Variants in AUTS2 observed in about 807,000 individuals in gnomAD.
AUTS2 encodes autism susceptibility gene 2 protein.
A neutral mutation model predicts 112.4 loss-of-function variants in AUTS2; 17 were observed. The observed-to-expected ratio is 0.15, with a 90% CI of 0.10 to 0.23. AUTS2 has a LOEUF of 0.23. Among genes scored for constraint, AUTS2 ranks in the 10% least tolerant of loss-of-function variants. The pLI, the probability that AUTS2 is intolerant of heterozygous loss-of-function variation, is 1.00. For missense variants in AUTS2, 1,510 were observed against 1,701.6 expected (o/e 0.89, Z 1.98); for synonymous variants, 751 against 702.7 (o/e 1.07, Z -1.09).
chr7:70,776,794 A>C, intron 13 of AUTS2: 1 of 412,356 alleles, frequency 2.4e-6, no homozygotes, highest in African/African-American at 2.0e-5. Flanking sequence ...CTGGCAGCAG[A>C]AAAGAAAGAG....
chr7:69,704,915 A>G (rs1584103605), intron 1 of AUTS2, among the ~76,000 whole-genome samples: 1 of 152,112 alleles, frequency 6.6e-6, no homozygotes, highest in African/African-American at 2.4e-5. Context: ...CACCCAGGCT[A>G]GAGTGCAGTG....
chr7:70,225,883 G>A (rs372209254), intron 4 of AUTS2, among the ~76,000 whole-genome samples: 39 of 152,044 alleles, frequency 2.6e-4, no homozygotes, highest in Non-Finnish European at 4.7e-4. Context: ...TAGATTTTGC[G>A]GTTGTATTGC....
At chr7:70,628,343 ATATATATATATG>A (rs1805068545) in intron 5 of AUTS2, among the ~76,000 whole-genome samples, 1 of 6,074 alleles carries the variant, frequency 1.6e-4, no homozygotes, top group Non-Finnish European at 3.2e-4. Context: ...TATATATAGT[ATATATATATATG>A]TATATATATA....
intron 4 of AUTS2, among the ~76,000 whole-genome samples, chr7:70,205,250 A>G (rs1459531519): frequency 2.0e-5 from 3 of 152,114 alleles, no homozygotes; most frequent in East Asian, 3.9e-4. Context: ...ATCTCACTGT[A>G]TTGCCCAGGC....
At chr7:70,730,022 A>G (rs1365993227) in intron 6 of AUTS2, among the ~76,000 whole-genome samples, 1 of 152,164 alleles carries the variant, frequency 6.6e-6, no homozygotes, top group Non-Finnish European at 1.5e-5. Flanking sequence ...AGCTGGGATT[A>G]CAGGCACACG....
chr7:70,602,930 A>G (rs113920395), intron 5 of AUTS2, among the ~76,000 whole-genome samples: 5 of 152,336 alleles, frequency 3.3e-5, no homozygotes, highest in African/African-American at 1.2e-4. Flanking sequence ...TTTTAAATTC[A>G]CAAGTGGTAT....
chr7:69,920,222 C>A (rs1411425304), intron 2 of AUTS2, among the ~76,000 whole-genome samples: 1 of 151,944 alleles, frequency 6.6e-6, no homozygotes, highest in Non-Finnish European at 1.5e-5. Context: ...TAATGACTAA[C>A]CCATGTTCCT....
At chr7:70,590,489 G>C in intron 5 of AUTS2, among the ~76,000 whole-genome samples, 1 of 152,144 alleles carries the variant, frequency 6.6e-6, no homozygotes, top group Non-Finnish European at 1.5e-5. Context: ...ATAGGGTAGT[G>C]GTTGAAGCAG....
chr7:69,868,678 C>G (rs1793346750), intron 1 of AUTS2, among the ~76,000 whole-genome samples: 1 of 152,168 alleles, frequency 6.6e-6, no homozygotes, highest in African/African-American at 2.4e-5. Flanking sequence ...TCCTGACAGT[C>G]TATGAGAGAA....
chr7:70,628,880 G>A (rs765834874), intron 5 of AUTS2, among the ~76,000 whole-genome samples: 4 of 152,164 alleles, frequency 2.6e-5, no homozygotes, highest in South Asian at 2.1e-4. Context: ...GATAGATGGC[G>A]GTGTCTTCCC....
chr7:70,581,132 C>T (rs1397807423), intron 5 of AUTS2, among the ~76,000 whole-genome samples: 1 of 152,086 alleles, frequency 6.6e-6, no homozygotes, highest in Admixed American at 6.5e-5. Context: ...CTTGTAATAC[C>T]AGTACTTTGG....
chr7:69,876,349 A>AATATATATAT lies in AUTS2; in HGVS notation c.310-22912_310-22903dup, dbSNP rs61416382. Among the ~76,000 whole-genome samples, 209 of 29,478 alleles carry AATATATATAT rather than the reference A, an allele frequency of 7.1e-3. 2 individuals are homozygous for AATATATATAT. Among genetic ancestry groups the AATATATATAT allele is most frequent in the African/African-American group, 0.012 (81 of 6,822 alleles). The allele number at this position is 29,478 out of a possible 152,430, so 19.3% of individuals were successfully genotyped here. On this transcript the variant is annotated intron_variant, in intron 1 of 18. Coordinates refer to ENST00000342771, the MANE Select transcript of AUTS2 (RefSeq NM_015570.4). ...TCAAAAAAAAAAAAAAAAAAAAAAAAATATATATATATATATATATATATA... is the reference window on the plus strand; with the variant it reads ...TCAAAAAAAAAAAAAAAAAAAAAAAAATATATATATATATATATATATATATATATATATA...
intron 1 of AUTS2, among the ~76,000 whole-genome samples, chr7:69,813,110 A>T (rs922517905): frequency 1.3e-5 from 2 of 151,978 alleles, no homozygotes; most frequent in Non-Finnish European, 2.9e-5. Flanking sequence ...CCCATCTCCT[A>T]CTATCCCCTT....
intron 2 of AUTS2, among the ~76,000 whole-genome samples, chr7:70,001,282 C>T (rs1292863417): frequency 1.3e-5 from 2 of 152,066 alleles, no homozygotes; most frequent in African/African-American, 4.8e-5. Flanking sequence ...TGTGCCACCA[C>T]GCCTATCTAA....
chr7:70,161,448 GTTTTTT>G (rs1454249140), intron 4 of AUTS2, among the ~76,000 whole-genome samples: 1 of 151,388 alleles, frequency 6.6e-6, no homozygotes, highest in Non-Finnish European at 1.5e-5. Context: ...TTTTGTTTTT[GTTTTTT>G]AAGTCGCTTT....
At chr7:70,642,666 A>C (rs1456998357) in intron 5 of AUTS2, among the ~76,000 whole-genome samples, 2 of 152,178 alleles carry the variant, frequency 1.3e-5, no homozygotes, top group African/African-American at 4.8e-5. Flanking sequence ...TCTCAGTGGA[A>C]GACATATCAC....
chr7:70,768,771 C>T (rs574454055), intron 10 of AUTS2, among the ~76,000 whole-genome samples: 4 of 151,294 alleles, frequency 2.6e-5, no homozygotes, highest in South Asian at 2.1e-4. Flanking sequence ...AAGACAAGAG[C>T]TTATTTTTAT....
At chr7:70,312,696 C>T (rs1019757082) in intron 4 of AUTS2, among the ~76,000 whole-genome samples, 33 of 152,290 alleles carry the variant, frequency 2.2e-4, no homozygotes, top group African/African-American at 2.9e-4. Flanking sequence ...GCAGAAATTC[C>T]GTCCAAAGTA....
rs183525732 is a variant in AUTS2 at position 70,714,588 on chromosome 7, G to T, written c.742+15968G>T. Among the ~76,000 whole-genome samples, 235 of 152,268 alleles carry T rather than the reference G, an allele frequency of 1.5e-3. 1 individual carries two copies. Among genetic ancestry groups the T allele is most frequent in the African/African-American group, 5.4e-3 (223 of 41,548 alleles). ...CAGGATACAAACAGACACACATACT[G>T]CATGTCTTAAATCTAGAGTGCTCCA... On this transcript the variant is annotated intron_variant, in intron 6 of 18. Coordinates refer to ENST00000342771, the MANE Select transcript of AUTS2 (RefSeq NM_015570.4).
Sources: gnomAD v4.1 joint callset for allele counts (sites outside exome capture counted in the v4.1 genomes callset) on GRCh38, gnomAD v4.1.1 for gene constraint, MANE v1.5 for transcripts, NCBI Gene and HGNC (gene_info 2026-07-23, HGNC 2026-07-21) for gene names.